The following FBXL2 variants were observed in gnomAD, a reference collection of about 807,000 sequenced individuals.
FBXL2 encodes F-box/LRR-repeat protein 2.
A neutral mutation model predicts 69.2 loss-of-function variants in FBXL2; 38 were observed. The observed-to-expected ratio is 0.55, with a 90% confidence interval of 0.42 to 0.72. The LOEUF is 0.72. Ranked by LOEUF, FBXL2 falls within the 30% of genes least tolerant of loss-of-function variation. The pLI, the probability that FBXL2 is intolerant of heterozygous loss-of-function variation, is 0.00. For missense variants in FBXL2, 354 were observed against 520.3 expected, an observed-to-expected ratio of 0.68 and a Z score of 3.11; for synonymous variants, 192 against 201.3, an observed-to-expected ratio of 0.95 and a Z score of 0.39.
At chr3:33,365,283 T>G (rs1328680791) in intron 5 of FBXL2, among the ~76,000 whole-genome samples, 2 of 52,714 alleles carry the variant, frequency 3.8e-5, no homozygotes, top group East Asian at 1.3e-3. Flanking sequence ...TTTATTGGGG[T>G]TTTTTTTTTT....
At chr3:33,410,120 C>G in the FBXL2 span, among the ~76,000 whole-genome samples, 1 of 152,218 alleles carries the variant, frequency 6.6e-6, no homozygotes, top group Non-Finnish European at 1.5e-5. Context: ...AAACCCACTA[C>G]CCATCCTATT....
At chr3:33,413,488 A>T in the FBXL2 span, among the ~76,000 whole-genome samples, 1 of 147,864 alleles carries the variant, frequency 6.8e-6, no homozygotes, top group South Asian at 2.2e-4. Context: ...CAGAGCTTGC[A>T]GTGAGCCAAG....
At chr3:33,294,724 T>G (rs1254869432) in intron 1 of FBXL2, among the ~76,000 whole-genome samples, 1 of 151,788 alleles carries the variant, frequency 6.6e-6, no homozygotes, top group African/African-American at 2.4e-5. Flanking sequence ...GTACCTGTAG[T>G]CCCAGCTACT....
At chr3:33,390,140 G>A (rs1216641828), downstream of FBXL2, 8 of 611,172 alleles carry the variant, frequency 1.3e-5, no homozygotes, top group South Asian at 1.1e-4. Flanking sequence ...ACTCTCATGA[G>A]GATGCTTGGC....
intron 2 of FBXL2, among the ~76,000 whole-genome samples, chr3:33,331,830 G>A (rs1429098432): frequency 6.6e-6 from 1 of 152,108 alleles, no homozygotes; most frequent in Non-Finnish European, 1.5e-5. Flanking sequence ...GAATTAGAAA[G>A]CTGAAAAACA....
At chr3:33,402,701 G>C (rs2044274689) in intron 12 of FBXL2, 6 of 837,802 alleles carry the variant, frequency 7.2e-6, no homozygotes, top group Admixed American at 3.6e-5. Flanking sequence ...TTTCCTTTAG[G>C]TACAATACAA....
chr3:33,380,098 G>A (rs1407871650), intron 13 of FBXL2, among the ~76,000 whole-genome samples: 1 of 151,798 alleles, frequency 6.6e-6, no homozygotes, highest in Non-Finnish European at 1.5e-5. Context: ...GGTGGCACAC[G>A]CCTGTAGTCC....
chr3:33,374,036 C>A, intron 9 of FBXL2, 115 bp downstream of exon 9: 1 of 873,846 alleles, frequency 1.1e-6, no homozygotes, highest in South Asian at 1.4e-5. Flanking sequence ...TTGCCACACC[C>A]TGATTTCCAT....
At chr3:33,407,878 A>G (rs942950847), downstream of FBXL2, among the ~76,000 whole-genome samples, 8 of 152,224 alleles carry the variant, frequency 5.3e-5, no homozygotes, top group Admixed American at 6.5e-5. Context: ...TATTTACTGA[A>G]GGTATGTAGC....
chr3:33,300,329 A>G (rs531284015), intron 2 of FBXL2, among the ~76,000 whole-genome samples: 17 of 152,348 alleles, frequency 1.1e-4, no homozygotes, highest in African/African-American at 3.8e-4. Context: ...GCAGTCTTGG[A>G]AACTTCAGTT....
intron 1 of FBXL2, among the ~76,000 whole-genome samples, chr3:33,281,559 C>A (rs1392162535): frequency 2.0e-5 from 3 of 152,154 alleles, no homozygotes; most frequent in African/African-American, 7.2e-5. Flanking sequence ...GGTATATACC[C>A]AGTAATGGAA....
At chr3:33,408,528 A>G (rs562127897), downstream of FBXL2, among the ~76,000 whole-genome samples, 116 of 152,260 alleles carry the variant, frequency 7.6e-4, 1 homozygote, top group Non-Finnish European at 1.3e-3. Context: ...AATTTTCCTC[A>G]GTGAGGAACA....
Position 33,384,194 on chromosome 3 carries a change from G to A in FBXL2, c.1157G>A (p.Arg386Gln), listed in dbSNP as rs1399207459. 13 of 1,613,748 alleles carry A rather than the reference G, an allele frequency of 8.1e-6. No homozygotes were observed. The highest frequency in any genetic ancestry group is 2.7e-5 in the African/African-American group (2 of 74,910). The change falls in exon 14 of 15, where the codon CGG (arginine) becomes CAG (glutamine). Residue 386 changes from arginine (R) to glutamine (Q), a missense_variant. Coordinates refer to ENST00000484457, the MANE Select transcript of FBXL2 (RefSeq NM_012157.5). ...CQQVTRAGIK[R>Q]MRAQLPHVKV... The stretch of plus-strand genomic sequence containing the variant: ...CAGGTTACCCGTGCAGGCATCAAGC[G>A]GATGCGGGTAGGTATGGGGCAGGGG...
At chr3:33,370,751 G>A (rs1188651009) in intron 5 of FBXL2, among the ~76,000 whole-genome samples, 2 of 151,864 alleles carry the variant, frequency 1.3e-5, no homozygotes, top group African/African-American at 4.8e-5. Context: ...AAGTGGCTGG[G>A]ACTACAGGCA....
chr3:33,385,574 G>A lies in FBXL2; in HGVS notation c.1238G>A (p.Gly413Glu). ...CCACCGACAGCAGTGGCAGGAAGTG[G>A]ACAGCGACTGTGCAGGTGCTGTGTC... ...VTPPTAVAGS[G>E]QRLCRCCVIL Residue 413 changes from glycine to glutamate, a missense_variant, in exon 15 of 15, where the codon GGA (glycine) becomes GAA (glutamate). Gly to Glu is a moderately conservative substitution (Grantham distance 98, BLOSUM62 -2). Coordinates refer to ENST00000484457, the MANE Select transcript of FBXL2 (RefSeq NM_012157.5). 6.2e-7 allele frequency: 1 copy of A among 1,614,014 alleles called. No homozygotes were observed.
intron 2 of FBXL2, among the ~76,000 whole-genome samples, chr3:33,321,765 ATACTG>A (rs1319853704): frequency 1.3e-5 from 2 of 152,226 alleles, no homozygotes; most frequent in Non-Finnish European, 2.9e-5. Flanking sequence ...ACTGTACTGA[ATACTG>A]TAGGCACTTG....
At chr3:33,320,299 G>A (rs191649568) in intron 2 of FBXL2, among the ~76,000 whole-genome samples, 16 of 152,170 alleles carry the variant, frequency 1.1e-4, no homozygotes, top group African/African-American at 3.4e-4. Context: ...ATATAACACA[G>A]GGAAATGAGG....
At chr3:33,396,966 G>A in intron 12 of FBXL2, 1 of 1,328,774 alleles carries the variant, frequency 7.5e-7, no homozygotes, top group Non-Finnish European at 1.1e-6. Context: ...AACCTAGCGT[G>A]GAAACACATT....
chr3:33,369,367 T>C (rs2154046348), intron 5 of FBXL2, among the ~76,000 whole-genome samples: 2 of 152,162 alleles, frequency 1.3e-5, no homozygotes, highest in South Asian at 4.2e-4. Context: ...TAAGTGTTTT[T>C]TATGATTTCA....
Sources: gnomAD v4.1 joint callset for allele counts (sites outside exome capture counted in the v4.1 genomes callset) on GRCh38, gnomAD v4.1.1 for gene constraint, MANE v1.5 for transcripts, NCBI Gene and HGNC (gene_info 2026-07-23, HGNC 2026-07-21) for gene names.